The following DIP2C variants were observed in gnomAD, a reference collection of about 807,000 sequenced individuals.
DIP2C encodes disco-interacting protein 2 homolog C.
A neutral mutation model predicts 192.4 loss-of-function variants in DIP2C; 33 were observed. The ratio of observed to expected loss-of-function variants is 0.17; its 90% CI spans 0.13 to 0.23. The LOEUF (loss-of-function observed/expected upper bound fraction) is 0.23. Ranked by LOEUF, DIP2C falls within the 10% of genes least tolerant of loss-of-function variation. The pLI, the probability that DIP2C is intolerant of heterozygous loss-of-function variation, is 1.00. For missense variants in DIP2C, 1,537 were observed against 2,110.1 expected (o/e 0.73, Z 5.32); for synonymous variants, 979 against 864.1 (o/e 1.13, Z -2.33).
At chr10:438,549 G>A (rs557344102) in intron 4 of DIP2C, among the ~76,000 whole-genome samples, 1 of 151,974 alleles carries the variant, frequency 6.6e-6, no homozygotes, top group East Asian at 1.9e-4. Flanking sequence ...CAGTGCAGTG[G>A]CATGACCATG....
intron 3 of DIP2C, among the ~76,000 whole-genome samples, chr10:452,206 T>C (rs1375567438): frequency 6.6e-6 from 1 of 152,192 alleles, no homozygotes; most frequent in African/African-American, 2.4e-5. Flanking sequence ...GTCTACATTC[T>C]GCTTTAACCG....
At chr10:672,880 T>C (rs1830716450) in intron 1 of DIP2C, among the ~76,000 whole-genome samples, 1 of 152,218 alleles carries the variant, frequency 6.6e-6, no homozygotes, top group South Asian at 2.1e-4. Context: ...GGGTTGCATT[T>C]CTTTTGTCAT....
intron 30 of DIP2C, among the ~76,000 whole-genome samples, chr10:327,400 TCAAA>T (rs1957322781): frequency 6.6e-6 from 1 of 152,134 alleles, no homozygotes; most frequent in African/African-American, 2.4e-5. Flanking sequence ...CAAACACGTC[TCAAA>T]CAACCACCTG....
intron 1 of DIP2C, among the ~76,000 whole-genome samples, chr10:596,238 G>A (rs748065349): frequency 1.7e-4 from 26 of 152,032 alleles, no homozygotes; most frequent in Non-Finnish European, 8.8e-5. Flanking sequence ...TGCTGGGTGC[G>A]GTGGCTCACG....
chr10:546,649 C>G (rs1003585893), intron 1 of DIP2C, among the ~76,000 whole-genome samples: 1 of 152,230 alleles, frequency 6.6e-6, no homozygotes, highest in African/African-American at 2.4e-5. Context: ...GGACCCTGGT[C>G]GACGGGCCTT....
Position 389,999 on chromosome 10 carries a change from T to A in DIP2C, c.1589A>T (p.Tyr530Phe), listed in dbSNP as rs2132944951. ...HCQALTQACG[Y>F]TEAETIVNVL... ...AGGGTCTGGCACCCCACCTTCCGTG[T>A]AGCCACACGCCTGCGTCAGGGCCTG... The change falls in exon 13 of 37, where the codon TAC (tyrosine) becomes TTC (phenylalanine). Residue 530 changes from tyrosine to phenylalanine, a missense_variant. This residue lies in a region of DIP2C where 677 missense variants were observed against 989.9 expected (regional missense o/e 0.68). Transcript: ENST00000280886. 6.2e-7 allele frequency: 1 copy of A among 1,613,218 alleles called. No individual in the cohort carries two copies. Among genetic ancestry groups the A allele is most frequent in the Non-Finnish European group, 8.5e-7 (1 of 1,179,522 alleles).
intron 1 of DIP2C, among the ~76,000 whole-genome samples, chr10:549,293 A>C (rs1332384449): frequency 6.6e-6 from 1 of 152,130 alleles, no homozygotes; most frequent in East Asian, 1.9e-4. Flanking sequence ...TAAACCCCAC[A>C]AGTAAGCTAT....
At position 365,242 on chromosome 10, in the gene DIP2C, C is replaced by T. The variant is rs572328931; in HGVS notation, c.2269-660G>A. Reference sequence around the variant, plus strand: ...TCTGTTCAGCCACATCCAAAGTTCTCAACATTTAGACCAGCAACAGTGGCT... The same window carrying T: ...TCTGTTCAGCCACATCCAAAGTTCTTAACATTTAGACCAGCAACAGTGGCT... On this transcript the variant is annotated intron_variant, in intron 19 of 36. Coordinates refer to ENST00000280886, the MANE Select transcript of DIP2C (RefSeq NM_014974.3). Among the ~76,000 whole-genome samples the T allele has an allele frequency of 2.6e-5, 4 of 152,304 alleles. 1 individual carries two copies. The South Asian group carries it at 8.3e-4, about 32-fold the overall frequency.
intron 1 of DIP2C, among the ~76,000 whole-genome samples, chr10:526,081 C>G (rs1847034839): frequency 6.6e-6 from 1 of 152,312 alleles, no homozygotes; most frequent in East Asian, 1.9e-4. Flanking sequence ...CCATCGGTCC[C>G]AAGTTTACTG....
At position 295,417 on chromosome 10, in the gene DIP2C, C is replaced by T. The variant is rs187686074; in HGVS notation, c.3987-6996G>A. Among the ~76,000 whole-genome samples, 394 of 151,624 alleles carry T rather than the reference C, an allele frequency of 2.6e-3. 3 individuals are homozygous for T. The highest frequency in any genetic ancestry group is 9.0e-3 in the African/African-American group (371 of 41,320). On this transcript the variant is annotated intron_variant, in intron 32 of 36. Coordinates refer to ENST00000280886, the MANE Select transcript of DIP2C (RefSeq NM_014974.3). ...TCTATTAAAAATACCAAAAATTAGC[C>T]GGGTGCGGTGGCGGGCGCCTGTAAT...
Position 483,371 on chromosome 10 carries a change from G to A in DIP2C, c.157+3088C>T, listed in dbSNP as rs540154988. Among the ~76,000 whole-genome samples, 10 of 152,158 alleles carry A rather than the reference G, an allele frequency of 6.6e-5. No homozygotes were observed. The South Asian group carries it at 1.4e-3, about 22-fold the overall frequency. ...TGGGGCCAACCAAGAAAGCAGCCTC[G>A]GCTTTGGAAACGTCTGCGTTCCTTG... On this transcript the variant is annotated intron_variant, in intron 2 of 36. Transcript: ENST00000280886.
chr10:399,801 GTAAAGCCCAAGTTACTGGCAC>G (rs1467294671), intron 9 of DIP2C, among the ~76,000 whole-genome samples: 3 of 152,224 alleles, frequency 2.0e-5, no homozygotes, highest in Non-Finnish European at 4.4e-5. Context: ...CTGACTATGA[GTAAAGCCCAAGTTACTGGCAC>G]TAGGGCTGGT....
intron 1 of DIP2C, among the ~76,000 whole-genome samples, chr10:565,804 A>C (rs1849434164): frequency 6.6e-6 from 1 of 152,276 alleles, no homozygotes; most frequent in Non-Finnish European, 1.5e-5. Context: ...TTACCCTCTC[A>C]GGCTGGCGCC....
chr10:548,911 C>CCAAAAAAAAAA (rs1348217783), intron 1 of DIP2C, among the ~76,000 whole-genome samples: 11 of 26,456 alleles, frequency 4.2e-4, no homozygotes, highest in African/African-American at 1.3e-3. Context: ...TAGCAGCTCA[C>CCAAAAAAAAAA]AAAAAAAAAA....
intron 32 of DIP2C, among the ~76,000 whole-genome samples, chr10:303,051 C>T (rs556345160): frequency 3.3e-5 from 5 of 152,214 alleles, no homozygotes; most frequent in East Asian, 3.9e-4. Flanking sequence ...ACACTGCACG[C>T]GACTGTAGAT....
At position 517,302 on chromosome 10, in the gene DIP2C, A is replaced by T. The variant is rs369426537; in HGVS notation, c.86-30772T>A. Among the ~76,000 whole-genome samples, 58 of 152,310 alleles carry T rather than the reference A, an allele frequency of 3.8e-4. 1 individual carries two copies. In the South Asian group the frequency reaches 0.012, roughly 31 times the overall value. The stretch of plus-strand genomic sequence containing the variant: ...GAACAAAAGCACACTTCCAGTTAAC[A>T]TGACACCCCCACTATGGTAGAACAC... On this transcript the variant is annotated intron_variant, in intron 1 of 36. Coordinates refer to ENST00000280886, the MANE Select transcript of DIP2C (RefSeq NM_014974.3).
chr10:321,571 T>C (rs1255028481), intron 31 of DIP2C, among the ~76,000 whole-genome samples: 3 of 120,086 alleles, frequency 2.5e-5, no homozygotes, highest in African/African-American at 1.0e-4. Flanking sequence ...GAACAGTCAG[T>C]CGGGGGTGCG....
chr10:557,723 A>AG, intron 1 of DIP2C, among the ~76,000 whole-genome samples: 1 of 40,350 alleles, frequency 2.5e-5, no homozygotes, highest in East Asian at 1.0e-3. Context: ...TGGGCAGGGC[A>AG]GGGGAGGGGA....
chr10:522,632 C>A (rs1391013575), intron 1 of DIP2C, among the ~76,000 whole-genome samples: 1 of 152,270 alleles, frequency 6.6e-6, no homozygotes. Flanking sequence ...ACATAAGACA[C>A]GGACCATCTT....
Sources: gnomAD v4.1 joint callset for allele counts (sites outside exome capture counted in the v4.1 genomes callset) on GRCh38, gnomAD v4.1.1 for gene constraint, gnomAD v4.1.1 regional missense constraint, MANE v1.5 for transcripts, NCBI Gene and HGNC (gene_info 2026-07-23, HGNC 2026-07-21) for gene names.